Variants in CAPG observed in about 807,000 individuals in gnomAD.
CAPG encodes the protein capping actin protein, gelsolin like, also known as macrophage-capping protein.
Under a neutral mutation model 44.6 loss-of-function variants are expected in CAPG, and 32 were observed. That is an observed-to-expected ratio of 0.72 (90% CI 0.54 to 0.96). The LOEUF (loss-of-function observed/expected upper bound fraction) is 0.96. CAPG is among the 50% of genes least tolerant of loss of function. CAPG has a pLI of 0.00. For synonymous variants in CAPG, 175 were observed against 179.6 expected (o/e 0.97, Z 0.20); for missense variants, 412 against 438.3 (o/e 0.94, Z 0.54).
At chr2:85,399,370 C>A in intron 5 of CAPG, 85 bp from the exon 6 acceptor site, 1 of 1,409,264 alleles carries the variant, frequency 7.1e-7, no homozygotes, top group East Asian at 2.4e-5. Flanking sequence ...AGCTCTCCCT[C>A]TCTCCTCTCT....
chr2:85,415,179 C>T (rs888083267), upstream of CAPG, among the ~76,000 whole-genome samples: 2 of 152,196 alleles, frequency 1.3e-5, no homozygotes, highest in Non-Finnish European at 2.9e-5. Context: ...GCAGACTCAG[C>T]TTAAATATCC....
chr2:85,412,019 G>A (rs970637236), upstream of CAPG, among the ~76,000 whole-genome samples: 4 of 151,148 alleles, frequency 2.6e-5, no homozygotes, highest in African/African-American at 4.9e-5. Context: ...CCGAGATGGC[G>A]CCACTGCACT....
rs368935045 is a variant in CAPG, at chr2:85,394,873, G to A, written c.*20C>T. On this transcript the variant is annotated 3_prime_UTR_variant, in exon 10 of 10. Coordinates refer to ENST00000263867, the MANE Select transcript of CAPG (RefSeq NM_001747.4). ...AGGTGGTGGGGGGCAGGGGAGCATG[G>A]GGCAGGAAGACGCCCACCCTCATTT... The A allele has an allele frequency of 6.3e-7, 1 of 1,596,668 alleles. No individual in the cohort carries two copies. The highest frequency in any genetic ancestry group is 1.3e-5 in the African/African-American group (1 of 74,580).
In CAPG at chr2:85,399,165, C is replaced by A; in HGVS notation, c.637G>T (p.Asp213Tyr). Residue 213 changes from aspartate to tyrosine, a missense_variant, in exon 6 of 10, where the codon GAT (aspartate) becomes TAT (tyrosine). Asp to Tyr is a radical substitution (Grantham distance 160, BLOSUM62 -3). Transcript: ENST00000263867. ...QGKAQVEIVTDGEEPAEMIQV... is the reference protein window; with the variant it reads ...QGKAQVEIVTYGEEPAEMIQV... ...ATCATCTCAGCAGGCTCCTCCCCAT[C>A]AGTGACAATCTCCACCTGGGCCTTG... 1 of 1,614,218 alleles carries A rather than the reference C, an allele frequency of 6.2e-7. No homozygotes were observed. Among genetic ancestry groups the A allele is most frequent in the Non-Finnish European group, 8.5e-7 (1 of 1,180,010 alleles).
chr2:85,405,540 G>T (rs934058452), intron 1 of CAPG, among the ~76,000 whole-genome samples: 6 of 152,110 alleles, frequency 3.9e-5, no homozygotes, highest in South Asian at 2.1e-4. Flanking sequence ...TTTCGCAGGG[G>T]CCAGGGAAGT....
intron 1 of CAPG, among the ~76,000 whole-genome samples, chr2:85,408,378 A>ACACACACC (rs1284232573): frequency 7.4e-6 from 1 of 134,724 alleles, no homozygotes; most frequent in African/African-American, 2.7e-5. Flanking sequence ...ACACACACAC[A>ACACACACC]CAAGCCCCCT....
At chr2:85,410,668 C>T (rs953678298), upstream of CAPG, 6 of 152,484 alleles carry the variant, frequency 3.9e-5, no homozygotes, top group African/African-American at 1.4e-4. Context: ...GAGTCTGAGA[C>T]CAGCAAGGAA....
At chr2:85,392,668 T>C (rs1037149364), downstream of CAPG, among the ~76,000 whole-genome samples, 1 of 152,180 alleles carries the variant, frequency 6.6e-6, no homozygotes, top group Non-Finnish European at 1.5e-5. Flanking sequence ...ACAAACCCCA[T>C]AGTTTGCCTT....
In CAPG at chr2:85,410,062, G is replaced by A. The variant is rs182830943; in HGVS notation, c.-14+255C>T. 3.7e-3 allele frequency among the ~76,000 whole-genome samples: 570 copies of A among 152,358 alleles called. 2 individuals are homozygous for A. The highest frequency in any genetic ancestry group is 6.8e-3 in the Middle Eastern group (2 of 294). On this transcript the variant is annotated intron_variant, in intron 1 of 9. Transcript: ENST00000263867. ...TTCCTCCATGTGCAGCATGGGCACA[G>A]CCCACCCATCCTCCCGGGCAGCTTC... is the stretch of plus-strand genomic sequence containing the variant.
intron 8 of CAPG, among the ~76,000 whole-genome samples, chr2:85,396,623 T>G (rs1686611197): frequency 6.6e-6 from 1 of 152,186 alleles, no homozygotes; most frequent in South Asian, 2.1e-4. Flanking sequence ...CTTTCCATAG[T>G]TGTTGGGTTC....
At chr2:85,401,364 A>G (rs1465994277) in intron 4 of CAPG, 35 bp from the exon 5 acceptor site, 1 of 1,606,542 alleles carries the variant, frequency 6.2e-7, no homozygotes, top group South Asian at 1.1e-5. Context: ...GTGGACTGAC[A>G]GGAGACCCAG....
chr2:85,410,915 C>A (rs1244376023), upstream of CAPG, among the ~76,000 whole-genome samples: 1 of 150,420 alleles, frequency 6.6e-6, no homozygotes, highest in East Asian at 2.0e-4. Flanking sequence ...AGCTGGAGTG[C>A]CGTGGCATTA....
At chr2:85,414,957 C>T (rs1016112411), upstream of CAPG, among the ~76,000 whole-genome samples, 11 of 152,218 alleles carry the variant, frequency 7.2e-5, no homozygotes, top group African/African-American at 2.7e-4. Context: ...AGGCCATGGC[C>T]TTGTGACACA....
chr2:85,397,768 C>A (rs1300975616), intron 8 of CAPG, among the ~76,000 whole-genome samples: 1 of 150,736 alleles, frequency 6.6e-6, no homozygotes, highest in African/African-American at 2.4e-5. Context: ...GCCTGTAATC[C>A]CAGCACTTTG....
upstream of CAPG, among the ~76,000 whole-genome samples, chr2:85,410,754 G>A (rs1240234788): frequency 6.6e-6 from 1 of 152,208 alleles, no homozygotes; most frequent in Non-Finnish European, 1.5e-5. Context: ...ACATTTTCTG[G>A]GCAGGGTCAC....
In CAPG at chr2:85,398,022, T is replaced by C; in HGVS notation, c.890A>G (p.Lys297Arg). 3 of 1,613,916 alleles carry C rather than the reference T, an allele frequency of 1.9e-6. No individual in the cohort carries two copies. Among genetic ancestry groups the C allele is most frequent in the Non-Finnish European group, 2.5e-6 (3 of 1,179,874 alleles). ...GCTGTTACAGAGGAGCCACGTACCCTTCCAGATATAGATCTTGCCACAGAG... is the reference window on the plus strand; with the variant it reads ...GCTGTTACAGAGGAGCCACGTACCCCTCCAGATATAGATCTTGCCACAGAG... ...NGLCGKIYIW[K>R]GRKANEKERQ... is the part of the protein sequence containing the mutation. Residue 297 changes from lysine to arginine, a missense_variant and splice_region_variant, in exon 8 of 10, where the codon AAG becomes AGG. Lys to Arg is a conservative substitution (Grantham distance 26, BLOSUM62 2). Coordinates refer to ENST00000263867, the MANE Select transcript of CAPG (RefSeq NM_001747.4).
chr2:85,400,356 C>G (rs1686821383), intron 5 of CAPG, among the ~76,000 whole-genome samples: 1 of 152,200 alleles, frequency 6.6e-6, no homozygotes, highest in Non-Finnish European at 1.5e-5. Context: ...GGTCTGTTCA[C>G]CTGTCCCCTT....
chr2:85,404,974 G>C (rs1019849485), intron 1 of CAPG, among the ~76,000 whole-genome samples: 1 of 150,420 alleles, frequency 6.6e-6, no homozygotes, highest in Non-Finnish European at 1.5e-5. Context: ...CCACAAACTA[G>C]GAATAGAAAG....
At chr2:85,412,317 C>A (rs1346290826), upstream of CAPG, among the ~76,000 whole-genome samples, 8 of 152,158 alleles carry the variant, frequency 5.3e-5, no homozygotes, top group Admixed American at 3.9e-4. Context: ...TCGAGACCAG[C>A]CTGGCCAGCA....
Sources: allele counts gnomAD v4.1 joint callset (sites outside exome capture counted in the v4.1 genomes callset), GRCh38; gene constraint gnomAD v4.1.1; transcripts MANE v1.5; gene names NCBI Gene and HGNC (gene_info 2026-07-23, HGNC 2026-07-21).